ITPRID1: variants seen among roughly 807,000 people sequenced by gnomAD.
The protein encoded by ITPRID1 is ITPR interacting domain containing 1, also known as protein ITPRID1.
Under a neutral mutation model 95.4 loss-of-function variants are expected in ITPRID1, and 96 were observed. That is an observed-to-expected ratio of 1.01 (90% CI 0.85 to 1.19). The LOEUF (loss-of-function observed/expected upper bound fraction) is 1.19. ITPRID1 is among the 50% of genes most tolerant of loss of function. The probability of loss-of-function intolerance (pLI) is 0.00; values close to 1 mark genes in which losing one functional copy is unlikely to be tolerated. For missense variants in ITPRID1, 1,339 were observed against 1,252.9 expected, an observed-to-expected ratio of 1.07 and a Z score of -1.04; for synonymous variants, 510 against 453.6, an observed-to-expected ratio of 1.12 and a Z score of -1.58.
intron 10 of ITPRID1, among the ~76,000 whole-genome samples, chr7:31,625,989 CTA>C (rs1227123973): frequency 6.6e-6 from 1 of 152,040 alleles, no homozygotes; most frequent in Non-Finnish European, 1.5e-5. Flanking sequence ...GTAAACTTTG[CTA>C]TGACTTTTAA....
chr7:31,625,037 G>A (rs1788316192), intron 10 of ITPRID1, among the ~76,000 whole-genome samples: 1 of 152,124 alleles, frequency 6.6e-6, no homozygotes, highest in Admixed American at 6.5e-5. Flanking sequence ...CATCATCACT[G>A]GCCATCAGAG....
chr7:31,634,991 C>T (rs938299151), intron 10 of ITPRID1, among the ~76,000 whole-genome samples: 1 of 152,148 alleles, frequency 6.6e-6, no homozygotes, highest in African/African-American at 2.4e-5. Flanking sequence ...GCCAGGCGTG[C>T]TGGTACCACT....
At chr7:31,658,593 G>A (rs980531832), downstream of ITPRID1, 8 of 330,830 alleles carry the variant, frequency 2.4e-5, no homozygotes, top group South Asian at 1.0e-4. Context: ...CATGATGTGC[G>A]AGAATTGTAG....
At chr7:31,514,455 C>T (rs768277781) in intron 1 of ITPRID1, among the ~76,000 whole-genome samples, 2 of 152,164 alleles carry the variant, frequency 1.3e-5, no homozygotes, top group Admixed American at 6.5e-5. Flanking sequence ...TGAGTATTGG[C>T]CATTTCCTGG....
intron 10 of ITPRID1, among the ~76,000 whole-genome samples, chr7:31,607,045 C>A (rs984279104): frequency 6.6e-6 from 1 of 152,092 alleles, no homozygotes; most frequent in African/African-American, 2.4e-5. Flanking sequence ...GAGTTTGATT[C>A]TCTCTTTCCT....
At position 31,652,681 on chromosome 7, in the gene ITPRID1, C is replaced by G. The variant is rs1472423076; in HGVS notation, c.2987C>G (p.Ser996Ter). ...GATGATGGCCAGGAGGCTCCCTGTTCAGGTGGGACCCAGTTGGCTGCCTTC... is the reference window on the plus strand; with the variant it reads ...GATGATGGCCAGGAGGCTCCCTGTTGAGGTGGGACCCAGTTGGCTGCCTTC... ...PPDDGQEAPC[S>*]GGTQLAAFTP... Residue 996 changes from serine to a stop codon, truncating the protein, a stop_gained, in exon 15 of 15, where the codon TCA (serine) becomes TGA (stop). Transcript: ENST00000615280. LOFTEE classifies it low-confidence loss of function (END_TRUNC). The G allele has an allele frequency of 1.9e-6, 3 of 1,613,830 alleles. No homozygotes were observed. Among genetic ancestry groups the G allele is most frequent in the African/African-American group, 2.7e-5 (2 of 74,924 alleles).
Position 31,554,879 on chromosome 7 carries a change from TC to T in ITPRID1, c.235del (p.Gln79AsnfsTer18). The T allele has an allele frequency of 6.3e-7, 1 of 1,582,746 alleles. No individual in the cohort carries two copies. The highest frequency in any genetic ancestry group is 8.6e-7 in the Non-Finnish European group (1 of 1,162,188). ...ACAGTGTCTCTGCAAATGAAAACTT[TC>T]AACAAGTCATTGACCGCACTGGTAA... ...GFFVSANENF[Q>X]QVIDRTVSLY... On this transcript the variant is annotated frameshift_variant, in exon 5 of 15. Transcript: ENST00000615280. LOFTEE classifies it high-confidence loss of function.
intron 10 of ITPRID1, among the ~76,000 whole-genome samples, chr7:31,592,497 A>C (rs1303836918): frequency 4.6e-5 from 7 of 152,172 alleles, no homozygotes; most frequent in African/African-American, 1.4e-4. Context: ...GCCTTCCCCA[A>C]CCTTTTTGGC....
chr7:31,524,277 C>A (rs1783356741), intron 1 of ITPRID1, among the ~76,000 whole-genome samples: 1 of 152,122 alleles, frequency 6.6e-6, no homozygotes. Flanking sequence ...CAAGTCAATC[C>A]AGCACAGATT....
rs1004710736 is a variant in ITPRID1 at position 31,651,205 on chromosome 7, G to A, written c.2647G>A (p.Glu883Lys). The A allele has an allele frequency of 5.6e-6, 9 of 1,613,536 alleles. No homozygotes were observed. Among genetic ancestry groups the A allele is most frequent in the Non-Finnish European group, 7.6e-6 (9 of 1,179,680 alleles). ...CCAAAGTTTCCGGGAGTATTTAGAA[G>A]AAATTGAACAGCACCTTATGGGACA... The part of the protein sequence containing the change: ...ICQSFREYLE[E>K]IEQHLMGQQA... Residue 883 changes from glutamate (E) to lysine (K), a missense_variant, in exon 13 of 15, where the codon GAA becomes AAA. Coordinates refer to ENST00000615280, the MANE Select transcript of ITPRID1 (RefSeq NM_001257967.3).
intron 10 of ITPRID1, among the ~76,000 whole-genome samples, chr7:31,623,414 G>C (rs1400568981): frequency 6.6e-6 from 1 of 151,538 alleles, no homozygotes; most frequent in Non-Finnish European, 1.5e-5. Flanking sequence ...CCATGATCAA[G>C]TGGGCTTCAT....
chr7:31,627,738 T>G (rs1788608034), intron 10 of ITPRID1, among the ~76,000 whole-genome samples: 1 of 150,172 alleles, frequency 6.7e-6, no homozygotes, highest in African/African-American at 2.5e-5. Context: ...TGGAAAGCAG[T>G]GTCTCAGTCC....
At chr7:31,629,289 TTA>T (rs2067165) in intron 10 of ITPRID1, among the ~76,000 whole-genome samples, 141,754 of 152,206 alleles carry the variant, frequency 0.93, 66,373 homozygotes, top group East Asian at 0.99. Context: ...AACACAATCT[TTA>T]TATAGATTCA....
chr7:31,614,842 G>A (rs946206757), intron 10 of ITPRID1, among the ~76,000 whole-genome samples: 33 of 152,080 alleles, frequency 2.2e-4, no homozygotes, highest in African/African-American at 7.5e-4. Context: ...CAGCCACTGA[G>A]GAAAACTCCT....
chr7:31,543,167 G>A (rs1270844496), intron 1 of ITPRID1, among the ~76,000 whole-genome samples: 2 of 152,070 alleles, frequency 1.3e-5, no homozygotes. Context: ...AGCATAGCTG[G>A]AAGACAAAGA....
At chr7:31,630,940 A>T (rs1788936547) in intron 10 of ITPRID1, among the ~76,000 whole-genome samples, 1 of 152,184 alleles carries the variant, frequency 6.6e-6, no homozygotes, top group Admixed American at 6.5e-5. Context: ...CTAGGATGAG[A>T]GGTAGAAACA....
intron 1 of ITPRID1, among the ~76,000 whole-genome samples, chr7:31,548,414 A>C (rs1261797346): frequency 6.6e-6 from 1 of 152,312 alleles, no homozygotes; most frequent in East Asian, 1.9e-4. Context: ...CATAGAGGAA[A>C]TTTACACTAT....
intron 10 of ITPRID1, among the ~76,000 whole-genome samples, chr7:31,631,392 A>C (rs1788980864): frequency 6.6e-6 from 1 of 152,260 alleles, no homozygotes; most frequent in African/African-American, 2.4e-5. Flanking sequence ...TTTACAAAAC[A>C]CAGACATATA....
intron 1 of ITPRID1, among the ~76,000 whole-genome samples, chr7:31,532,048 C>T (rs73689136): frequency 6.6e-6 from 1 of 152,132 alleles, no homozygotes; most frequent in South Asian, 2.1e-4. Context: ...ACAGGAAGAA[C>T]ATAATCATCC....
Sources: allele counts gnomAD v4.1 joint callset (sites outside exome capture counted in the v4.1 genomes callset), GRCh38; gene constraint gnomAD v4.1.1; transcripts MANE v1.5; gene names NCBI Gene and HGNC (gene_info 2026-07-23, HGNC 2026-07-21).